The following PDE3B variants were observed in gnomAD, a reference collection of about 807,000 sequenced individuals.
PDE3B encodes the protein phosphodiesterase 3B.
A neutral mutation model predicts 116.8 loss-of-function variants in PDE3B; 66 were observed. That is an observed-to-expected ratio of 0.56 (90% confidence interval 0.46 to 0.69). The LOEUF (loss-of-function observed/expected upper bound fraction) is 0.69, where lower values mean the gene tolerates loss of function less well. PDE3B is among the 30% of genes least tolerant of loss of function. PDE3B has a pLI of 0.00. For synonymous variants in PDE3B, 595 were observed against 533.6 expected, an observed-to-expected ratio of 1.12 and a Z score of -1.59; for missense variants, 1,384 against 1,368.1, an observed-to-expected ratio of 1.01 and a Z score of -0.18.
chr11:14,670,581 C>G lies in PDE3B; in HGVS notation c.978+25528C>G, dbSNP rs563966328. On this transcript the variant is annotated intron_variant, in intron 1 of 15. Transcript: ENST00000282096. ...TTGCTTGAATTAGAATAGGTTAGCTCATGAGATAATGATTTACATACCAAG... is the reference window on the plus strand; with the variant it reads ...TTGCTTGAATTAGAATAGGTTAGCTGATGAGATAATGATTTACATACCAAG... Among the ~76,000 whole-genome samples the G allele has an allele frequency of 2.0e-5, 3 of 152,098 alleles. No homozygotes were observed. In the South Asian group the frequency reaches 6.2e-4, roughly 32 times the overall value.
At chr11:14,744,085 A>G (rs141355164) in intron 1 of PDE3B, among the ~76,000 whole-genome samples, 10 of 152,264 alleles carry the variant, frequency 6.6e-5, no homozygotes, top group African/African-American at 2.2e-4. Flanking sequence ...AAATCAGTTG[A>G]CCACAGATAT....
At chr11:14,833,993 CTT>C (rs1467547776) in intron 10 of PDE3B, among the ~76,000 whole-genome samples, 1 of 152,028 alleles carries the variant, frequency 6.6e-6, no homozygotes, top group Non-Finnish European at 1.5e-5. Context: ...CTTTTCTAAA[CTT>C]TAAAAATTTG....
intron 7 of PDE3B, among the ~76,000 whole-genome samples, chr11:14,823,346 T>C (rs1228283690): frequency 6.6e-6 from 1 of 152,040 alleles, no homozygotes; most frequent in Non-Finnish European, 1.5e-5. Context: ...TGCTAGTGTT[T>C]TCTGTCCAGC....
chr11:14,788,976 A>C, intron 3 of PDE3B, 130 bp from the exon 4 acceptor site: 1 of 583,010 alleles, frequency 1.7e-6, no homozygotes, highest in Non-Finnish European at 2.8e-6. Flanking sequence ...TTTCAGAATA[A>C]AATGTTTCTT....
chr11:14,878,471 G>A, the PDE3B span, among the ~76,000 whole-genome samples: 1 of 152,070 alleles, frequency 6.6e-6, no homozygotes, highest in Non-Finnish European at 1.5e-5. Flanking sequence ...ACTTCAGCAA[G>A]CAGAACCCAT....
intron 12 of PDE3B, among the ~76,000 whole-genome samples, chr11:14,857,520 A>T (rs1847873031): frequency 6.6e-6 from 1 of 152,090 alleles, no homozygotes; most frequent in Non-Finnish European, 1.5e-5. Flanking sequence ...CTCTTCATAT[A>T]GGCTTTTTCC....
chr11:14,844,116 T>C, intron 12 of PDE3B, 90 bp downstream of exon 12: 2 of 922,492 alleles, frequency 2.2e-6, no homozygotes, highest in Admixed American at 1.8e-5. Flanking sequence ...AGTTGAATCA[T>C]ATGTCCAATC....
the PDE3B span, among the ~76,000 whole-genome samples, chr11:14,883,120 A>G: frequency 1.3e-5 from 2 of 152,192 alleles, no homozygotes; most frequent in East Asian, 1.9e-4. Context: ...AAGGTAATTT[A>G]TAGATTCAAT....
At chr11:14,814,871 G>C (rs1859269703) in intron 5 of PDE3B, among the ~76,000 whole-genome samples, 1 of 152,024 alleles carries the variant, frequency 6.6e-6, no homozygotes, top group Non-Finnish European at 1.5e-5. Flanking sequence ...GCTGAGGCAG[G>C]AGAATGGCAT....
chr11:14,765,170 GA>G (rs1857465029), intron 1 of PDE3B, among the ~76,000 whole-genome samples: 1 of 151,956 alleles, frequency 6.6e-6, no homozygotes, highest in African/African-American at 2.4e-5. Flanking sequence ...ATGTCATCAA[GA>G]AATGGGAGAA....
rs1208382349 is a variant in PDE3B at position 14,869,645 on chromosome 11, A to G, written c.3324A>G (p.Ala1108=). The G allele has an allele frequency of 6.2e-7, 1 of 1,613,588 alleles. No individual in the cohort carries two copies. The highest frequency in any genetic ancestry group is 1.3e-5 in the African/African-American group (1 of 74,918). The stretch of plus-strand genomic sequence containing the variant: ...ATGAGATTCAGGTAATTGAAGAGGC[A>G]GATGAAGAGGAATAGCGACAGTTTG... ...QADEIQVIEE[A]DEEE Residue 1108 remains alanine, a synonymous_variant, in exon 16 of 16, where the codon GCA becomes GCG. Transcript: ENST00000282096.
intron 4 of PDE3B, among the ~76,000 whole-genome samples, chr11:14,799,530 G>A (rs780208246): frequency 9.9e-5 from 15 of 151,588 alleles, no homozygotes; most frequent in Non-Finnish European, 1.9e-4. Context: ...TTGACAGTAG[G>A]GTGTTAAAGT....
chr11:14,825,379 C>T (rs879764586), intron 7 of PDE3B, among the ~76,000 whole-genome samples: 83 of 152,188 alleles, frequency 5.5e-4, no homozygotes, highest in Non-Finnish European at 9.4e-4. Context: ...CAATGATACA[C>T]TGTCTTCAAG....
At chr11:14,844,547 G>A (rs1416979203) in intron 12 of PDE3B, among the ~76,000 whole-genome samples, 1 of 152,220 alleles carries the variant, frequency 6.6e-6, no homozygotes, top group Non-Finnish European at 1.5e-5. Flanking sequence ...GCCTCACTCG[G>A]GAAGCACAAG....
chr11:14,643,957 C>T lies in PDE3B; in HGVS notation c.-119C>T. ...CCCGGGCCGTGGCGGCCGGCGCAGCCCTGACGGGTTGCGAACCAGGGGGCG... is the reference window on the plus strand; with the variant it reads ...CCCGGGCCGTGGCGGCCGGCGCAGCTCTGACGGGTTGCGAACCAGGGGGCG... On this transcript the variant is annotated 5_prime_UTR_variant, in exon 1 of 16. Coordinates refer to ENST00000282096, the MANE Select transcript of PDE3B (RefSeq NM_000922.4). 7.3e-7 allele frequency: 1 copy of T among 1,361,516 alleles called. No individual in the cohort carries two copies. Among genetic ancestry groups the T allele is most frequent in the Non-Finnish European group, 9.4e-7 (1 of 1,060,930 alleles). The allele number at this position is 1,361,516 out of a possible 1,614,324, so 84.3% of individuals were successfully genotyped here.
chr11:14,723,211 A>G (rs961210353), intron 1 of PDE3B, among the ~76,000 whole-genome samples: 11 of 152,196 alleles, frequency 7.2e-5, no homozygotes, highest in Non-Finnish European at 5.9e-5. Flanking sequence ...CTTTGACTCC[A>G]ATTTAGCCAT....
rs1555008740 is a variant in PDE3B, at chr11:14,869,699, C to G, written c.*39C>G. 1 of 1,559,158 alleles carries G rather than the reference C, an allele frequency of 6.4e-7. No homozygotes were observed. Among genetic ancestry groups the G allele is most frequent in the African/African-American group, 1.4e-5 (1 of 73,536 alleles). ...AAAAGAAAAGTCATATTGAAGAAGC[C>G]CAGAGGGTTGTGCCCAGGGGCAGAA... On this transcript the variant is annotated 3_prime_UTR_variant, in exon 16 of 16. Coordinates refer to ENST00000282096, the MANE Select transcript of PDE3B (RefSeq NM_000922.4).
intron 1 of PDE3B, among the ~76,000 whole-genome samples, chr11:14,709,622 G>A (rs949952862): frequency 3.9e-5 from 6 of 152,134 alleles, no homozygotes; most frequent in Admixed American, 6.5e-5. Flanking sequence ...TGTGTGTTCT[G>A]GCTGGTGGTT....
At chr11:14,799,327 T>C (rs1447984994) in intron 4 of PDE3B, among the ~76,000 whole-genome samples, 1 of 152,210 alleles carries the variant, frequency 6.6e-6, no homozygotes, top group Non-Finnish European at 1.5e-5. Flanking sequence ...TCTTTTGCCT[T>C]TGCTGAGGAG....
Sources: allele counts gnomAD v4.1 joint callset (sites outside exome capture counted in the v4.1 genomes callset), GRCh38; gene constraint gnomAD v4.1.1; transcripts MANE v1.5; gene names NCBI Gene and HGNC (gene_info 2026-07-23, HGNC 2026-07-21).